The following MARCHF1 variants were observed in gnomAD, a reference collection of about 807,000 sequenced individuals.
The protein encoded by MARCHF1 is E3 ubiquitin-protein ligase MARCHF1.
A neutral mutation model predicts 54.2 loss-of-function variants in MARCHF1; 40 were observed. That is an observed-to-expected ratio of 0.74 (90% confidence interval 0.57 to 0.96). MARCHF1 has a LOEUF of 0.96. MARCHF1 is among the 40% of genes least tolerant of loss of function. The pLI is 0.00. For synonymous variants in MARCHF1, 236 were observed against 236.3 expected (o/e 1.00, Z 0.01); for missense variants, 586 against 656.5 (o/e 0.89, Z 1.17).
chr4:163,986,306 C>T (rs2110881792), intron 3 of MARCHF1, among the ~76,000 whole-genome samples: 1 of 97,024 alleles, frequency 1.0e-5, no homozygotes, highest in Admixed American at 1.6e-4. Context: ...GCTCTGTCGC[C>T]CAGGCTGGAG....
intron 2 of MARCHF1, among the ~76,000 whole-genome samples, chr4:164,080,825 A>G (rs1272333850): frequency 6.6e-6 from 1 of 152,018 alleles, no homozygotes; most frequent in East Asian, 1.9e-4. Context: ...TTTCAGGGGG[A>G]AAAATAGAAA....
At chr4:164,053,474 G>C (rs1232744644) in intron 2 of MARCHF1, among the ~76,000 whole-genome samples, 1 of 152,072 alleles carries the variant, frequency 6.6e-6, no homozygotes, top group Non-Finnish European at 1.5e-5. Context: ...AGTGATGCTT[G>C]GCTGGGCAAC....
At chr4:163,540,768 TC>T (rs1738696123) in intron 9 of MARCHF1, among the ~76,000 whole-genome samples, 1 of 152,350 alleles carries the variant, frequency 6.6e-6, no homozygotes, top group South Asian at 2.1e-4. Flanking sequence ...ACGCCTGGAA[TC>T]CCAGCGCTTT....
intron 4 of MARCHF1, among the ~76,000 whole-genome samples, chr4:163,826,971 GTTTATGGTTTCCTTAAA>G (rs905792840): frequency 6.6e-6 from 1 of 151,878 alleles, no homozygotes; most frequent in Non-Finnish European, 1.5e-5. Flanking sequence ...GCTGGGTTAA[GTTTATGGTTTCCTTAAA>G]TTTATCTCTG....
rs192568598 is a variant in MARCHF1 at position 164,239,342 on chromosome 4, G to T, written c.-322-127680C>A. Among the ~76,000 whole-genome samples the T allele has an allele frequency of 3.7e-3, 556 of 152,148 alleles. 4 individuals are homozygous for T. Among genetic ancestry groups the T allele is most frequent in the African/African-American group, 0.013 (524 of 41,546 alleles). On this transcript the variant is annotated intron_variant, in intron 1 of 9. Coordinates refer to ENST00000514618, the MANE Select transcript of MARCHF1 (RefSeq NM_001394959.1). ...GATAAAGGTCTAAGTTTACTTATTT[G>T]ATAGTTCCTACCTGTATGGCAGACA...
intron 2 of MARCHF1, among the ~76,000 whole-genome samples, chr4:164,023,165 T>C (rs1207486193): frequency 6.6e-6 from 1 of 152,196 alleles, no homozygotes; most frequent in African/African-American, 2.4e-5. Flanking sequence ...TCCCTCCCAA[T>C]GCAGGGCCAG....
At chr4:163,846,332 A>G (rs1440694529) in intron 4 of MARCHF1, among the ~76,000 whole-genome samples, 2 of 152,140 alleles carry the variant, frequency 1.3e-5, no homozygotes, top group Non-Finnish European at 2.9e-5. Flanking sequence ...TTTACTGAGA[A>G]ATTTAATATA....
rs1740391524 is a variant in MARCHF1, at chr4:163,585,808, A to G, written c.1132T>C (p.Cys378Arg). ...HQWIKSSDTRCCELCKYDFIM... is the reference protein window; with the variant it reads ...HQWIKSSDTRRCELCKYDFIM... ...AAGTCATACTTGCAGAGCTCACAGCAGCGTGTATCTGAGCTCTTTATCCAC... is the reference window on the plus strand; with the variant it reads ...AAGTCATACTTGCAGAGCTCACAGCGGCGTGTATCTGAGCTCTTTATCCAC... The change falls in exon 8 of 10, where the codon TGC becomes CGC. Residue 378 changes from cysteine (C) to arginine (R), a missense_variant. This residue lies in a region of MARCHF1 where 93 missense variants were observed against 168.2 expected (regional missense o/e 0.55). Coordinates refer to ENST00000514618, the MANE Select transcript of MARCHF1 (RefSeq NM_001394959.1). The G allele has an allele frequency of 6.2e-7, 1 of 1,613,932 alleles. No homozygotes were observed. The highest frequency in any genetic ancestry group is 8.5e-7 in the Non-Finnish European group (1 of 1,179,868).
At chr4:164,176,963 T>TCC (rs1291103623) in intron 1 of MARCHF1, among the ~76,000 whole-genome samples, 55 of 51,112 alleles carry the variant, frequency 1.1e-3, no homozygotes, top group African/African-American at 5.2e-3. Context: ...TCTCTCTCTC[T>TCC]CTCTCTCTCT....
chr4:163,922,880 T>C (rs976614539), intron 3 of MARCHF1, among the ~76,000 whole-genome samples: 10 of 152,154 alleles, frequency 6.6e-5, no homozygotes, highest in Non-Finnish European at 7.4e-5. Flanking sequence ...TTTAGAGCTA[T>C]TTTTTAAAAA....
chr4:163,588,377 T>G (rs138378562), intron 7 of MARCHF1, among the ~76,000 whole-genome samples: 11 of 152,338 alleles, frequency 7.2e-5, no homozygotes, highest in African/African-American at 2.2e-4. Flanking sequence ...TTTAGTGTCA[T>G]AGCATAGATG....
chr4:164,291,942 T>C (rs1284141987), intron 1 of MARCHF1, among the ~76,000 whole-genome samples: 1 of 152,102 alleles, frequency 6.6e-6, no homozygotes, highest in African/African-American at 2.4e-5. Context: ...ATATAACTCA[T>C]TCATTCATTC....
intron 2 of MARCHF1, among the ~76,000 whole-genome samples, chr4:164,045,422 G>A (rs571001838): frequency 5.9e-4 from 89 of 152,124 alleles, no homozygotes; most frequent in African/African-American, 1.9e-3. Context: ...TGAGGCAGGA[G>A]AATCGCTTGA....
At chr4:163,650,273 T>C (rs1318237319) in intron 5 of MARCHF1, among the ~76,000 whole-genome samples, 1 of 151,872 alleles carries the variant, frequency 6.6e-6, no homozygotes. Flanking sequence ...ATAAAAAGGA[T>C]AAAAAGGGAA....
intron 1 of MARCHF1, among the ~76,000 whole-genome samples, chr4:164,112,969 C>T (rs966060630): frequency 8.2e-6 from 1 of 121,712 alleles, no homozygotes; most frequent in African/African-American, 4.2e-5. Context: ...TAAGATATTA[C>T]CAATCAAATA....
intron 1 of MARCHF1, among the ~76,000 whole-genome samples, chr4:164,288,622 T>G (rs1477884620): frequency 6.6e-6 from 1 of 152,032 alleles, no homozygotes; most frequent in Admixed American, 6.6e-5. Context: ...CTAGATTAAA[T>G]GCCATACTAG....
intron 3 of MARCHF1, among the ~76,000 whole-genome samples, chr4:163,915,013 C>T (rs541166192): frequency 1.3e-5 from 2 of 152,226 alleles, no homozygotes; most frequent in African/African-American, 4.8e-5. Context: ...CCCTGCAGGG[C>T]ACTGCAAACT....
chr4:163,981,166 G>C (rs543809928), intron 3 of MARCHF1, among the ~76,000 whole-genome samples: 55 of 150,746 alleles, frequency 3.6e-4, no homozygotes, highest in Non-Finnish European at 1.5e-4. Flanking sequence ...TTTTTCCTAA[G>C]AAACTCCCTT....
intron 7 of MARCHF1, among the ~76,000 whole-genome samples, chr4:163,593,622 C>T (rs1321267038): frequency 6.6e-6 from 1 of 152,200 alleles, no homozygotes; most frequent in African/African-American, 2.4e-5. Flanking sequence ...CATCCTCAAC[C>T]ATGACTTCCT....
Sources: gnomAD v4.1 joint callset for allele counts (sites outside exome capture counted in the v4.1 genomes callset) on GRCh38, gnomAD v4.1.1 for gene constraint, gnomAD v4.1.1 regional missense constraint, MANE v1.5 for transcripts, NCBI Gene and HGNC (gene_info 2026-07-23, HGNC 2026-07-21) for gene names.